The following SCP2 variants were observed in gnomAD, a reference collection of about 807,000 sequenced individuals.
SCP2 encodes the protein sterol carrier protein 2.
A neutral mutation model predicts 71.4 loss-of-function variants in SCP2; 48 were observed. The ratio of observed to expected loss-of-function variants is 0.67; its 90% CI spans 0.53 to 0.86. The LOEUF (loss-of-function observed/expected upper bound fraction) is 0.86, where lower values mean the gene tolerates loss of function less well. Ranked by LOEUF, SCP2 falls within the 40% of genes least tolerant of loss-of-function variation. The pLI is 0.00. For synonymous variants in SCP2, 220 were observed against 218.1 expected (o/e 1.01, Z -0.08); for missense variants, 560 against 655.6 (o/e 0.85, Z 1.59).
intron 10 of SCP2, among the ~76,000 whole-genome samples, chr1:52,982,910 A>G (rs139874823): frequency 6.6e-6 from 1 of 152,350 alleles, no homozygotes; most frequent in African/African-American, 2.4e-5. Context: ...AGTATTTTAT[A>G]CTTATCCAGA....
chr1:52,987,871 A>T (rs958901079), intron 10 of SCP2, among the ~76,000 whole-genome samples, 158 bp from the exon 11 acceptor site: 2 of 152,212 alleles, frequency 1.3e-5, no homozygotes, highest in Non-Finnish European at 2.9e-5. Context: ...GTAAGTATTT[A>T]TTACTTTTAA....
chr1:53,000,643 G>C (rs1660254467), intron 11 of SCP2, among the ~76,000 whole-genome samples: 2 of 152,164 alleles, frequency 1.3e-5, no homozygotes, highest in Non-Finnish European at 2.9e-5. Context: ...CCAATTCGGA[G>C]CCTCCTGAAG....
intron 7 of SCP2, 102 bp from the exon 8 acceptor site, chr1:52,976,581 G>A (rs1179512421): frequency 2.7e-6 from 2 of 738,772 alleles, no homozygotes; most frequent in African/African-American, 3.5e-5. Context: ...TCTGTCTTCT[G>A]GTTGTGAAAA....
chr1:53,016,147 T>TA (rs1661325903), intron 12 of SCP2, among the ~76,000 whole-genome samples: 7 of 152,198 alleles, frequency 4.6e-5, no homozygotes, highest in Non-Finnish European at 8.8e-5. Flanking sequence ...TCTATGTTAT[T>TA]CTTCTGTAAG....
chr1:53,030,910 A>T (rs1379723610), intron 13 of SCP2, among the ~76,000 whole-genome samples: 6 of 98,178 alleles, frequency 6.1e-5, no homozygotes, highest in African/African-American at 1.2e-4. Flanking sequence ...AAAAAAATTA[A>T]AAAAAAAAAA....
intron 13 of SCP2, among the ~76,000 whole-genome samples, chr1:53,032,601 G>A (rs374463828): frequency 6.6e-6 from 1 of 152,190 alleles, no homozygotes. Flanking sequence ...GAGATGAAGA[G>A]GAAGAGAAAG....
At chr1:52,989,071 G>A (rs932959336) in intron 11 of SCP2, among the ~76,000 whole-genome samples, 2 of 152,170 alleles carry the variant, frequency 1.3e-5, no homozygotes, top group African/African-American at 4.8e-5. Context: ...TTTTACAGCT[G>A]CCTATCTATT....
chr1:52,994,878 C>A, intron 11 of SCP2: 1 of 511,164 alleles, frequency 2.0e-6, no homozygotes. Context: ...CCATGTACTA[C>A]AGTGAAGCCA....
intron 2 of SCP2, among the ~76,000 whole-genome samples, chr1:52,945,308 C>T (rs781229571): frequency 9.9e-5 from 15 of 152,156 alleles, no homozygotes; most frequent in Non-Finnish European, 2.2e-4. Context: ...AAGCAGTCCT[C>T]CTGAGTAGCT....
intron 1 of SCP2, among the ~76,000 whole-genome samples, chr1:52,935,364 C>T (rs1653622450): frequency 6.6e-6 from 1 of 151,348 alleles, no homozygotes; most frequent in Non-Finnish European, 1.5e-5. Flanking sequence ...GGTGGATCAC[C>T]TGAGGTCAGA....
At chr1:52,931,357 T>C (rs555735129) in intron 1 of SCP2, among the ~76,000 whole-genome samples, 4 of 152,288 alleles carry the variant, frequency 2.6e-5, no homozygotes, top group African/African-American at 9.6e-5. Context: ...AAGACTATTC[T>C]AAGGAACAGT....
chr1:53,037,913 CACACACACA>C (rs1264742071), intron 13 of SCP2, among the ~76,000 whole-genome samples: 7 of 126,400 alleles, frequency 5.5e-5, no homozygotes, highest in African/African-American at 1.9e-4. Context: ...CACACACACA[CACACACACA>C]CACACACAGA....
chr1:52,939,089 T>C (rs1489143435), intron 1 of SCP2, among the ~76,000 whole-genome samples: 2 of 152,232 alleles, frequency 1.3e-5, no homozygotes, highest in African/African-American at 2.4e-5. Context: ...TAATATGATA[T>C]GTATTTAAGG....
chr1:53,001,912 C>T (rs1257877355), intron 11 of SCP2, among the ~76,000 whole-genome samples: 1 of 152,042 alleles, frequency 6.6e-6, no homozygotes, highest in African/African-American at 2.4e-5. Context: ...AGGCTGGGTG[C>T]GGTGGCTCAT....
chr1:52,987,998 A>C lies in SCP2; in HGVS notation c.974-31A>C, dbSNP rs770691401. On this transcript the variant is annotated intron_variant, in intron 10 of 15. Coordinates refer to ENST00000371514, the MANE Select transcript of SCP2 (RefSeq NM_002979.5). ...ATCATTTGTTCTATTGTTACTATTAATATTTGTGAATACTATTTTTTCTTC... is the reference window on the plus strand; with the variant it reads ...ATCATTTGTTCTATTGTTACTATTACTATTTGTGAATACTATTTTTTCTTC... The C allele has an allele frequency of 4.7e-6, 5 of 1,057,466 alleles. No homozygotes were observed. In the Admixed American group the frequency reaches 8.4e-5, roughly 18 times the overall value. The allele number at this position is 1,057,466 out of a possible 1,614,324, so 65.5% of individuals were successfully genotyped here.
chr1:53,011,672 G>A (rs1660996451), intron 11 of SCP2, among the ~76,000 whole-genome samples: 1 of 152,150 alleles, frequency 6.6e-6, no homozygotes, highest in South Asian at 2.1e-4. Flanking sequence ...GTGGGACTCA[G>A]CCCTCAACCC....
chr1:52,964,661 A>G (rs1366515862), intron 6 of SCP2, among the ~76,000 whole-genome samples: 2 of 152,182 alleles, frequency 1.3e-5, no homozygotes, highest in Non-Finnish European at 2.9e-5. Context: ...CTAAAAATTA[A>G]CATTTTGCCA....
chr1:52,927,436 G>A lies in SCP2; in HGVS notation c.40G>A (p.Val14Met), dbSNP rs573557498. Residue 14 changes from valine (V) to methionine (M), a missense_variant, in exon 1 of 16, where the codon GTG (valine) becomes ATG (methionine). Val to Met is a conservative substitution (Grantham distance 21, BLOSUM62 1). Around this residue, in one of 3 missense-constraint regions of SCP2, gnomAD observed 513 missense variants for 573.1 expected, o/e 0.90. Coordinates refer to ENST00000371514, the MANE Select transcript of SCP2 (RefSeq NM_002979.5). ...SPWEPATLRR[V>M]FVVGVGMTKF... ...GTGGGAGCCTGCGACCCTGCGCCGG[G>A]TGTTCGTGGTGGGGGTTGGCATGAC... is the stretch of plus-strand genomic sequence containing the variant. The A allele has an allele frequency of 1.2e-6, 2 of 1,602,742 alleles. No individual in the cohort carries two copies. Among genetic ancestry groups the A allele is most frequent in the Admixed American group, 1.7e-5 (1 of 58,302 alleles).
chr1:52,989,384 AAAC>A, intron 11 of SCP2, among the ~76,000 whole-genome samples: 1 of 152,304 alleles, frequency 6.6e-6, no homozygotes, highest in Admixed American at 6.5e-5. Context: ...GGGGTGCTTA[AAAC>A]AACAACAAAG....
Sources: gnomAD v4.1 joint callset for allele counts (sites outside exome capture counted in the v4.1 genomes callset) on GRCh38, gnomAD v4.1.1 for gene constraint, gnomAD v4.1.1 regional missense constraint, MANE v1.5 for transcripts, NCBI Gene and HGNC (gene_info 2026-07-23, HGNC 2026-07-21) for gene names.